SLC7A5: variants seen among roughly 807,000 people sequenced by gnomAD.
SLC7A5 encodes solute carrier family 7 member 5, also known as large neutral amino acids transporter small subunit 1.
Under a neutral mutation model 50.2 loss-of-function variants are expected in SLC7A5, and 23 were observed. The ratio of observed to expected loss-of-function variants is 0.46; its 90% confidence interval spans 0.33 to 0.65. The LOEUF (loss-of-function observed/expected upper bound fraction) is 0.65, where lower values mean the gene tolerates loss of function less well. Among genes scored for constraint, SLC7A5 ranks in the 30% least tolerant of loss-of-function variants. The probability of loss-of-function intolerance (pLI) is 0.02; values close to 1 mark genes in which losing one functional copy is unlikely to be tolerated. For synonymous variants in SLC7A5, 393 were observed against 330.6 expected, an observed-to-expected ratio of 1.19 and a Z score of -2.05; for missense variants, 578 against 684.4, an observed-to-expected ratio of 0.84 and a Z score of 1.73.
At position 87,837,959 on chromosome 16, in the gene SLC7A5, T is replaced by G. The variant is rs1464223288; in HGVS notation, c.1044-18A>C. 3 of 1,581,778 alleles carry G rather than the reference T, an allele frequency of 1.9e-6. No homozygotes were observed. Among genetic ancestry groups the G allele is most frequent in the Non-Finnish European group, 2.6e-6 (3 of 1,161,386 alleles). ...AGAAGAGCCTGTGGACAGACAAGAGTGGCAGAGTCAGCCACCGCCCCACAA... is the reference window on the plus strand; with the variant it reads ...AGAAGAGCCTGTGGACAGACAAGAGGGGCAGAGTCAGCCACCGCCCCACAA... On this transcript the variant is annotated intron_variant, in intron 6 of 9. Coordinates refer to ENST00000261622, the MANE Select transcript of SLC7A5 (RefSeq NM_003486.7).
intron 7 of SLC7A5, 139 bp downstream of exon 7, chr16:87,837,706 C>T (rs1373083589): frequency 6.0e-6 from 4 of 667,542 alleles, no homozygotes; most frequent in Non-Finnish European, 5.2e-6. Flanking sequence ...TGGCATTCAG[C>T]GGAGCTCGGC....
In SLC7A5 at chr16:87,869,425, T is replaced by C. The variant is rs2055506133; in HGVS notation, c.-3A>G. Reference sequence around the variant, plus strand: ...CGCTTCGGGCCCGCACCCGCCATGCTCTGCGCACCGGCCGGGCCTGGGACA... The same window carrying C: ...CGCTTCGGGCCCGCACCCGCCATGCCCTGCGCACCGGCCGGGCCTGGGACA... On this transcript the variant is annotated 5_prime_UTR_variant, in exon 1 of 10. Coordinates refer to ENST00000261622, the MANE Select transcript of SLC7A5 (RefSeq NM_003486.7). 2.7e-6 allele frequency: 4 copies of C among 1,465,960 alleles called. No individual in the cohort carries two copies. The highest frequency in any genetic ancestry group is 1.4e-5 in the South Asian group (1 of 70,582). 90.8% of individuals were successfully genotyped at this position (1,465,960 alleles called of 1,614,324 possible). A position where few individuals can be genotyped will look rare whatever the true frequency, so the allele number is the denominator to read the frequency against.
Position 87,841,168 on chromosome 16 carries a change from A to C in SLC7A5, c.665-13T>G, listed in dbSNP as rs1193818321. The C allele has an allele frequency of 2.6e-6, 4 of 1,568,206 alleles. No individual in the cohort carries two copies. Among genetic ancestry groups the C allele is most frequent in the Non-Finnish European group, 3.5e-6 (4 of 1,138,606 alleles). On this transcript the variant is annotated splice_polypyrimidine_tract_variant and intron_variant, in intron 2 of 9. Transcript: ENST00000261622. The surrounding 1 kb of genome is among the most constrained non-coding windows in gnomAD (Gnocchi z 4.8). ...TTGGACACATCACCTGGCAGGGCCA[A>C]AGAAAGGAATGCTGGGTTAGAGAGC... is the stretch of plus-strand genomic sequence containing the variant.
chr16:87,866,932 G>A (rs1456666417), intron 1 of SLC7A5, among the ~76,000 whole-genome samples: 1 of 152,024 alleles, frequency 6.6e-6, no homozygotes, highest in African/African-American at 2.4e-5. Context: ...TCAGCACCCA[G>A]GGGCTGCTTT....
At chr16:87,865,204 A>T (rs768766589) in intron 1 of SLC7A5, among the ~76,000 whole-genome samples, 2 of 152,180 alleles carry the variant, frequency 1.3e-5, no homozygotes, top group African/African-American at 4.8e-5. Context: ...TTCCAAAAAA[A>T]AAAGCAACAC....
intron 4 of SLC7A5, 152 bp downstream of exon 4, chr16:87,840,277 C>A: frequency 1.4e-6 from 1 of 729,618 alleles, no homozygotes. Context: ...CAGAAGCCAC[C>A]CGCCCCACAT....
rs1016826824 is a variant in SLC7A5 at position 87,841,723 on chromosome 16, G to T, written c.665-568C>A. ...GCCAGCTGCAGCCGGGGCAGGGGCAGGAGCAGGGCTGCCAGGGCCGAGAAC... is the reference window on the plus strand; with the variant it reads ...GCCAGCTGCAGCCGGGGCAGGGGCATGAGCAGGGCTGCCAGGGCCGAGAAC... On this transcript the variant is annotated intron_variant, in intron 2 of 9. Coordinates refer to ENST00000261622, the MANE Select transcript of SLC7A5 (RefSeq NM_003486.7). The surrounding 1 kb of genome is among the most constrained non-coding windows in gnomAD (Gnocchi z 4.8). 6.6e-6 allele frequency among the ~76,000 whole-genome samples: 1 copy of T among 152,242 alleles called. No individual in the cohort carries two copies. Among genetic ancestry groups the T allele is most frequent in the Non-Finnish European group, 1.5e-5 (1 of 68,040 alleles).
At position 87,869,450 on chromosome 16, in the gene SLC7A5, AC is replaced by A. The variant is rs1377442336; in HGVS notation, c.-29del. Reference sequence around the variant, plus strand: ...TCTGCGCACCGGCCGGGCCTGGGACACCCGGGAGCCGCGGCCCAGCGAGCAG... The same window carrying A: ...TCTGCGCACCGGCCGGGCCTGGGACACCGGGAGCCGCGGCCCAGCGAGCAG... On this transcript the variant is annotated 5_prime_UTR_variant, in exon 1 of 10. Coordinates refer to ENST00000261622, the MANE Select transcript of SLC7A5 (RefSeq NM_003486.7). 3.0e-6 allele frequency: 4 copies of A among 1,354,714 alleles called. No individual in the cohort carries two copies. Among genetic ancestry groups the A allele is most frequent in the Non-Finnish European group, 3.8e-6 (4 of 1,062,270 alleles). 83.9% of individuals were successfully genotyped at this position (1,354,714 alleles called of 1,614,324 possible).
At chr16:87,855,080 C>G (rs2055298332) in intron 1 of SLC7A5, among the ~76,000 whole-genome samples, 1 of 152,262 alleles carries the variant, frequency 6.6e-6, no homozygotes, top group African/African-American at 2.4e-5. Flanking sequence ...GGTCCTGGTC[C>G]TGACTCAAAA....
In SLC7A5 at chr16:87,839,291, G is replaced by A. The variant is rs374657796; in HGVS notation, c.939+411C>T. Among the ~76,000 whole-genome samples, 490 of 152,294 alleles carry A rather than the reference G, an allele frequency of 3.2e-3. 11 individuals are homozygous for A. The highest frequency in any genetic ancestry group is 7.5e-4 in the Non-Finnish European group (51 of 68,004). On this transcript the variant is annotated intron_variant, in intron 5 of 9. Coordinates refer to ENST00000261622, the MANE Select transcript of SLC7A5 (RefSeq NM_003486.7). ...GCTGAGCTGCCCGGTGACACCGCCC[G>A]GGCCTGGCCTCCCGCCTGCCAAGCC...
At chr16:87,834,872 C>T (rs904877522) in intron 8 of SLC7A5, among the ~76,000 whole-genome samples, 1 of 152,216 alleles carries the variant, frequency 6.6e-6, no homozygotes, top group Non-Finnish European at 1.5e-5. Flanking sequence ...GGGAAGGTCA[C>T]GGCTCCATTC....
Position 87,868,784 on chromosome 16 carries a change from G to A in SLC7A5, c.538+101C>T, listed in dbSNP as rs967171040. 9 of 1,235,778 alleles carry A rather than the reference G, an allele frequency of 7.3e-6. No individual in the cohort carries two copies. The African/African-American group carries it at 1.0e-4, about 14-fold the overall frequency. The allele number at this position is 1,235,778 out of a possible 1,614,324, so 76.6% of individuals were successfully genotyped here. ...AGAACTGCCGGGATGGTCCAGGAAC[G>A]TAAAGATGTAGAGATGTGGGAGCCA... On this transcript the variant is annotated intron_variant, in intron 1 of 9. Transcript: ENST00000261622.
rs895264340 is a variant in SLC7A5, at chr16:87,862,230, G to C, written c.538+6655C>G. 2.6e-5 allele frequency among the ~76,000 whole-genome samples: 4 copies of C among 152,128 alleles called. No individual in the cohort carries two copies. The highest frequency in any genetic ancestry group is 5.9e-5 in the Non-Finnish European group (4 of 68,000). On this transcript the variant is annotated intron_variant, in intron 1 of 9. Transcript: ENST00000261622. This position sits in a 1 kb window ranked among gnomAD's most constrained non-coding sequence, Gnocchi z 5.3. The stretch of plus-strand genomic sequence containing the variant: ...GGATACCCCAGCGGTTGGGGGGGTG[G>C]TGCTGGACACCCAGGGGGCAGATAG...
At chr16:87,840,382 A>C (rs755793864) in intron 4 of SLC7A5, 47 bp downstream of exon 4, 18 of 1,516,922 alleles carry the variant, frequency 1.2e-5, no homozygotes, top group Middle Eastern at 1.7e-4. Context: ...TTCCTGCCTC[A>C]CATTAAAATA....
At chr16:87,856,848 T>C (rs1004054534) in intron 1 of SLC7A5, among the ~76,000 whole-genome samples, 7 of 151,756 alleles carry the variant, frequency 4.6e-5, no homozygotes, top group African/African-American at 1.7e-4. Flanking sequence ...AAAGCAGTGG[T>C]GGGGGAGGCG....
intron 2 of SLC7A5, among the ~76,000 whole-genome samples, chr16:87,842,507 A>G (rs1237466712): frequency 2.6e-5 from 4 of 152,226 alleles, no homozygotes; most frequent in Non-Finnish European, 5.9e-5. Flanking sequence ...CAGATTTCCT[A>G]CGGCAGAGCC....
chr16:87,859,120 C>T (rs897631896), intron 1 of SLC7A5, among the ~76,000 whole-genome samples: 2 of 152,228 alleles, frequency 1.3e-5, no homozygotes, highest in Non-Finnish European at 2.9e-5. Flanking sequence ...CAAAGACCCA[C>T]GTCACCCCAG....
Position 87,840,054 on chromosome 16 carries a change from C to G in SLC7A5, c.816-229G>C, listed in dbSNP as rs536418095. Among the ~76,000 whole-genome samples the G allele has an allele frequency of 5.3e-5, 8 of 152,338 alleles. No homozygotes were observed. In the East Asian group the frequency reaches 7.7e-4, roughly 15 times the overall value. On this transcript the variant is annotated intron_variant, in intron 4 of 9. Coordinates refer to ENST00000261622, the MANE Select transcript of SLC7A5 (RefSeq NM_003486.7). ...TGCCTTGGCCGCGGCCTCAGCTTCC[C>G]CACCTGAGAAATGGGGATTCTTCGG... is the stretch of plus-strand genomic sequence containing the variant.
chr16:87,839,218 C>A (rs1352157701), intron 5 of SLC7A5, among the ~76,000 whole-genome samples: 1 of 152,206 alleles, frequency 6.6e-6, no homozygotes, highest in Non-Finnish European at 1.5e-5. Flanking sequence ...GTTCCCCCAG[C>A]CCTGGGAGGG....
Sources: allele counts gnomAD v4.1 joint callset (sites outside exome capture counted in the v4.1 genomes callset), GRCh38; gene constraint gnomAD v4.1.1; non-coding constraint Gnocchi (gnomAD v3.1); transcripts MANE v1.5; gene names NCBI Gene and HGNC (gene_info 2026-07-23, HGNC 2026-07-21).